Variants in SSH2 observed in about 807,000 individuals in gnomAD.
SSH2 encodes the protein slingshot protein phosphatase 2.
Under a neutral mutation model 135.2 loss-of-function variants are expected in SSH2, and 37 were observed. The ratio of observed to expected loss-of-function variants is 0.27; its 90% CI spans 0.21 to 0.36. The LOEUF (loss-of-function observed/expected upper bound fraction) is 0.36, where lower values mean the gene tolerates loss of function less well. SSH2 is among the 10% of genes least tolerant of loss of function. The pLI, the probability that SSH2 is intolerant of heterozygous loss-of-function variation, is 1.00. For synonymous variants in SSH2, 628 were observed against 646.2 expected (o/e 0.97, Z 0.43); for missense variants, 1,408 against 1,765.3 (o/e 0.80, Z 3.63).
At chr17:29,737,550 C>T (rs963542993) in intron 3 of SSH2, among the ~76,000 whole-genome samples, 1 of 152,096 alleles carries the variant, frequency 6.6e-6, no homozygotes, top group African/African-American at 2.4e-5. Flanking sequence ...ACAAATAAGG[C>T]ACAGTACAAA....
intron 3 of SSH2, among the ~76,000 whole-genome samples, chr17:29,742,093 T>C (rs746928883): frequency 5.3e-5 from 8 of 151,572 alleles, no homozygotes; most frequent in Non-Finnish European, 7.4e-5. Flanking sequence ...TGCCACCATG[T>C]CCGATTAATT....
chr17:29,777,546 G>T (rs1323552523), intron 3 of SSH2: 1 of 152,136 alleles, frequency 6.6e-6, no homozygotes, highest in Admixed American at 6.5e-5. Flanking sequence ...CAAAGAATAA[G>T]GATGGAAAGA....
At chr17:29,792,564 A>C (rs1198087834) in intron 3 of SSH2, among the ~76,000 whole-genome samples, 2 of 152,200 alleles carry the variant, frequency 1.3e-5, no homozygotes, top group African/African-American at 2.4e-5. Context: ...AAAACTACCG[A>C]TAATCTCAGT....
rs181014687 is a variant in SSH2 at position 29,729,887 on chromosome 17, A to G, written c.189-26825T>C. Among the ~76,000 whole-genome samples, 305 of 152,238 alleles carry G rather than the reference A, an allele frequency of 2.0e-3. 1 individual carries two copies. The highest frequency in any genetic ancestry group is 7.1e-3 in the African/African-American group (295 of 41,572). On this transcript the variant is annotated intron_variant, in intron 3 of 15. Transcript: ENST00000540801. Reference sequence around the variant, plus strand: ...AGAATGATGGTTACCAGAGACTGGCAAGGCTAGTAGTTGTGGAGAGGAAGT... The same window carrying G: ...AGAATGATGGTTACCAGAGACTGGCGAGGCTAGTAGTTGTGGAGAGGAAGT...
rs558026100 is a variant in SSH2 at position 29,736,719 on chromosome 17, G to A, written c.189-33657C>T. On this transcript the variant is annotated intron_variant, in intron 3 of 15. Coordinates refer to ENST00000540801, the MANE Select transcript of SSH2 (RefSeq NM_001282129.2). The stretch of plus-strand genomic sequence containing the variant: ...GGAGACTTGCTTTAACCCGGGAGGC[G>A]GAGGTTGCAGTGAGCCAAGATCGCG... Among the ~76,000 whole-genome samples the A allele has an allele frequency of 1.2e-3, 179 of 144,476 alleles. 2 individuals carry two copies. The highest frequency in any genetic ancestry group is 3.8e-4 in the Non-Finnish European group (25 of 66,384). The allele number at this position is 144,476 out of a possible 152,430, so 94.8% of individuals were successfully genotyped here. A position where few individuals can be genotyped will look rare whatever the true frequency, so the allele number is the denominator to read the frequency against.
At chr17:29,799,625 A>G (rs780775747) in intron 2 of SSH2, among the ~76,000 whole-genome samples, 6 of 152,158 alleles carry the variant, frequency 3.9e-5, no homozygotes, top group Non-Finnish European at 5.9e-5. Flanking sequence ...AATTCAAATT[A>G]TTTTCAGTTT....
At position 29,798,314 on chromosome 17, in the gene SSH2, G is replaced by A. The variant is rs540030320; in HGVS notation, c.145-4377C>T. On this transcript the variant is annotated intron_variant, in intron 2 of 15. Transcript: ENST00000540801. Reference sequence around the variant, plus strand: ...GCTGAGATTACAGGCGTGTACCACCGTGCCCGGCTAATTTTTGTAGTTTTA... The same window carrying A: ...GCTGAGATTACAGGCGTGTACCACCATGCCCGGCTAATTTTTGTAGTTTTA... Among the ~76,000 whole-genome samples the A allele has an allele frequency of 1.1e-4, 17 of 151,824 alleles. No individual in the cohort carries two copies. In the South Asian group the frequency reaches 2.7e-3, roughly 24 times the overall value.
intron 1 of SSH2, among the ~76,000 whole-genome samples, chr17:29,905,793 T>A (rs1321973811): frequency 6.6e-6 from 1 of 152,082 alleles, no homozygotes; most frequent in Non-Finnish European, 1.5e-5. Context: ...GGACTGCCCA[T>A]GGGCCAATCT....
intron 2 of SSH2, among the ~76,000 whole-genome samples, chr17:29,833,532 A>G (rs2042884224): frequency 6.6e-6 from 1 of 151,798 alleles, no homozygotes; most frequent in Non-Finnish European, 1.5e-5. Context: ...TTTTTTCTCT[A>G]TTTGGTTATT....
chr17:29,644,417 TC>T (rs2036290020), intron 14 of SSH2, among the ~76,000 whole-genome samples: 1 of 152,214 alleles, frequency 6.6e-6, no homozygotes, highest in Non-Finnish European at 1.5e-5. Flanking sequence ...AACTGCTTCC[TC>T]TCTTTTTGGG....
intron 3 of SSH2, among the ~76,000 whole-genome samples, chr17:29,789,405 G>A (rs1265211530): frequency 6.6e-6 from 1 of 152,166 alleles, no homozygotes; most frequent in East Asian, 1.9e-4. Flanking sequence ...GGATAGAGAA[G>A]GGATTATGCA....
At chr17:29,925,648 G>T in intron 1 of SSH2, 1 of 392,328 alleles carries the variant, frequency 2.5e-6, no homozygotes. Context: ...ACTTGAGGCT[G>T]CAGTGAGCTA....
chr17:29,765,575 A>G (rs199649914), intron 3 of SSH2, among the ~76,000 whole-genome samples: 1 of 152,218 alleles, frequency 6.6e-6, no homozygotes, highest in Non-Finnish European at 1.5e-5. Context: ...AAAAATAGCT[A>G]AAGTGGACAA....
intron 1 of SSH2, among the ~76,000 whole-genome samples, chr17:29,871,932 C>T (rs746713174): frequency 3.3e-5 from 5 of 152,040 alleles, no homozygotes. Flanking sequence ...TATATCAGCT[C>T]AAATGTTCAA....
At chr17:29,885,589 G>A (rs1182152310) in intron 1 of SSH2, among the ~76,000 whole-genome samples, 1 of 152,122 alleles carries the variant, frequency 6.6e-6, no homozygotes, top group Non-Finnish European at 1.5e-5. Context: ...AGTGGAGATT[G>A]AGTCAGTTAC....
intron 15 of SSH2, among the ~76,000 whole-genome samples, chr17:29,635,043 T>C (rs1024341014): frequency 6.6e-6 from 1 of 150,984 alleles, no homozygotes; most frequent in Non-Finnish European, 1.5e-5. Flanking sequence ...GCTGGGATTA[T>C]AGGCATGCGC....
chr17:29,732,637 T>A (rs2040233605), intron 3 of SSH2, among the ~76,000 whole-genome samples: 1 of 152,142 alleles, frequency 6.6e-6, no homozygotes, highest in South Asian at 2.1e-4. Context: ...TCTCTCTATA[T>A]CAGCCAAGTT....
intron 3 of SSH2, among the ~76,000 whole-genome samples, chr17:29,759,992 T>C (rs1187110141): frequency 6.6e-6 from 1 of 152,204 alleles, no homozygotes; most frequent in East Asian, 1.9e-4. Context: ...GCTTTTACAG[T>C]ACAGGGCAGT....
chr17:29,664,996 A>C (rs1277451581), intron 11 of SSH2, among the ~76,000 whole-genome samples: 3 of 152,244 alleles, frequency 2.0e-5, no homozygotes, highest in African/African-American at 7.2e-5. Flanking sequence ...AGTCAAGCTC[A>C]ATGGGAAACT....
Sources: allele counts gnomAD v4.1 joint callset (sites outside exome capture counted in the v4.1 genomes callset), GRCh38; gene constraint gnomAD v4.1.1; transcripts MANE v1.5; gene names NCBI Gene and HGNC (gene_info 2026-07-23, HGNC 2026-07-21).